ARHGAP39: variants seen among roughly 807,000 people sequenced by gnomAD.
ARHGAP39 encodes rho GTPase-activating protein 39.
A neutral mutation model predicts 106.9 loss-of-function variants in ARHGAP39; 44 were observed. The ratio of observed to expected loss-of-function variants is 0.41; its 90% CI spans 0.32 to 0.53. The LOEUF (loss-of-function observed/expected upper bound fraction) is 0.53, where lower values mean the gene tolerates loss of function less well. ARHGAP39 is among the 20% of genes least tolerant of loss of function. The probability of loss-of-function intolerance (pLI) is 0.21; values close to 1 mark genes in which losing one functional copy is unlikely to be tolerated. For missense variants in ARHGAP39, 1,496 were observed against 1,577.3 expected, an observed-to-expected ratio of 0.95 and a Z score of 0.87; for synonymous variants, 768 against 693.2, an observed-to-expected ratio of 1.11 and a Z score of -1.69.
chr8:144,548,548 C>T lies in ARHGAP39; in HGVS notation c.597-59G>A. The T allele has an allele frequency of 6.4e-6, 10 of 1,561,536 alleles. No homozygotes were observed. The highest frequency in any genetic ancestry group is 7.8e-6 in the Non-Finnish European group (9 of 1,157,710). On this transcript the variant is annotated intron_variant, in intron 4 of 11. Coordinates refer to ENST00000377307, the MANE Select transcript of ARHGAP39 (RefSeq NM_025251.3). The surrounding 1 kb of genome is among the most constrained non-coding windows in gnomAD (Gnocchi z 7.4). The stretch of plus-strand genomic sequence containing the variant: ...CTGCCTGCTGCTTCTGGGCACGCCC[C>T]ACCCCCTCGGGGGCTGTAGGCAGCG...
chr8:144,573,152 A>T (rs1818643978), intron 3 of ARHGAP39, among the ~76,000 whole-genome samples: 2 of 152,238 alleles, frequency 1.3e-5, no homozygotes, highest in Non-Finnish European at 2.9e-5. Context: ...ACACATGCAC[A>T]TGTGTGTTTA....
At chr8:144,693,265 A>G in the ARHGAP39 span, among the ~76,000 whole-genome samples, 1 of 144,632 alleles carries the variant, frequency 6.9e-6, no homozygotes, top group Non-Finnish European at 1.5e-5. Context: ...AGGTTTCGCC[A>G]TGTTGGCCAG....
chr8:144,535,290 C>CT (rs1201079684), intron 7 of ARHGAP39, among the ~76,000 whole-genome samples: 7 of 152,180 alleles, frequency 4.6e-5, no homozygotes, highest in African/African-American at 1.7e-4. Context: ...CATGTGACTG[C>CT]TAAGGAGACT....
chr8:144,608,132 G>A (rs546135897), intron 1 of ARHGAP39, among the ~76,000 whole-genome samples: 21 of 144,426 alleles, frequency 1.5e-4, no homozygotes, highest in East Asian at 1.2e-3. Context: ...ACTCCAGCCT[G>A]GGCGACAGAG....
intron 1 of ARHGAP39, among the ~76,000 whole-genome samples, chr8:144,672,936 G>C (rs995552821): frequency 2.6e-5 from 4 of 152,154 alleles, no homozygotes; most frequent in African/African-American, 9.7e-5. Context: ...CTGATCAGGG[G>C]CCAGGCACAG....
At chr8:144,588,968 G>A (rs1211198019) in intron 2 of ARHGAP39, among the ~76,000 whole-genome samples, 1 of 152,244 alleles carries the variant, frequency 6.6e-6, no homozygotes, top group African/African-American at 2.4e-5. Context: ...TAAGTCCACA[G>A]GAGCCCAGGG....
chr8:144,686,228 ATTC>A (rs1456634124), upstream of ARHGAP39, among the ~76,000 whole-genome samples: 1 of 152,066 alleles, frequency 6.6e-6, no homozygotes, highest in Non-Finnish European at 1.5e-5. Context: ...AAATACAGCC[ATTC>A]TTCTCAAAAC....
intron 7 of ARHGAP39, among the ~76,000 whole-genome samples, chr8:144,536,578 G>A (rs1012407351): frequency 1.3e-5 from 2 of 152,240 alleles, no homozygotes; most frequent in South Asian, 2.1e-4. Flanking sequence ...GTCTGAGGAC[G>A]TCTGTGGCCA....
rs530421072 is a variant in ARHGAP39 at position 144,580,670 on chromosome 8, C to T, written c.512+176G>A. 3.9e-4 allele frequency among the ~76,000 whole-genome samples: 59 copies of T among 151,720 alleles called. No individual in the cohort carries two copies. In the East Asian group the frequency reaches 0.01, roughly 27 times the overall value. ...AGTCCCGCTCTCACGTGGCCCCGCCCATTCCACTCACCTGGCCCCGCCCAC... is the reference window on the plus strand; with the variant it reads ...AGTCCCGCTCTCACGTGGCCCCGCCTATTCCACTCACCTGGCCCCGCCCAC... On this transcript the variant is annotated intron_variant, in intron 3 of 11. Transcript: ENST00000377307.
intron 2 of ARHGAP39, among the ~76,000 whole-genome samples, chr8:144,590,150 G>T (rs891313106): frequency 6.6e-6 from 1 of 152,246 alleles, no homozygotes; most frequent in South Asian, 2.1e-4. Context: ...GACAGGGCCT[G>T]ACAGAAGATG....
chr8:144,630,783 G>A (rs906866036), intron 1 of ARHGAP39, among the ~76,000 whole-genome samples: 23 of 152,370 alleles, frequency 1.5e-4, no homozygotes, highest in East Asian at 5.8e-4. Flanking sequence ...CTCCTCAGAC[G>A]CCAACCGGCC....
rs113457747 is a variant in ARHGAP39, at chr8:144,531,081, T to A, written c.2981-210A>T. ...GCCTGAACTCGATCCTGGAGGCATG[T>A]GGGTCACGCCAGCAGAGTTGTGCAA... On this transcript the variant is annotated intron_variant, in intron 10 of 11. Coordinates refer to ENST00000377307, the MANE Select transcript of ARHGAP39 (RefSeq NM_025251.3). 0.07 allele frequency among the ~76,000 whole-genome samples: 10,607 copies of A among 151,284 alleles called. 1,222 individuals are homozygous for A. Among genetic ancestry groups the A allele is most frequent in the African/African-American group, 0.24 (9,630 of 40,570 alleles).
intron 1 of ARHGAP39, among the ~76,000 whole-genome samples, chr8:144,652,781 A>C (rs1243681596): frequency 6.6e-6 from 1 of 151,298 alleles, no homozygotes; most frequent in Non-Finnish European, 1.5e-5. Flanking sequence ...GGGAGGAGGG[A>C]GGGAGAGGAG....
chr8:144,698,544 C>A, the ARHGAP39 span: 1 of 212,244 alleles, frequency 4.7e-6, no homozygotes, highest in Non-Finnish European at 9.7e-6. Flanking sequence ...GAGAGCTCAG[C>A]TGTGATCTGG....
chr8:144,532,451 A>C, intron 9 of ARHGAP39, 55 bp from the exon 10 acceptor site: 1 of 1,514,088 alleles, frequency 6.6e-7, no homozygotes, highest in South Asian at 1.2e-5. Flanking sequence ...CGGCTTCATG[A>C]TTCCGCCTGG....
intron 1 of ARHGAP39, among the ~76,000 whole-genome samples, chr8:144,615,045 G>C (rs1319591358): frequency 1.3e-5 from 2 of 152,242 alleles, no homozygotes; most frequent in African/African-American, 2.4e-5. Context: ...TGGATCATGG[G>C]GGCAGAGGCT....
chr8:144,606,948 T>C (rs1351071449), intron 1 of ARHGAP39, among the ~76,000 whole-genome samples: 1 of 150,410 alleles, frequency 6.6e-6, no homozygotes, highest in Non-Finnish European at 1.5e-5. Context: ...AATTAACAAA[T>C]TGGACTATAG....
At chr8:144,617,585 CAAAAAAA>C (rs869298361) in intron 1 of ARHGAP39, among the ~76,000 whole-genome samples, 1 of 68,598 alleles carries the variant, frequency 1.5e-5, no homozygotes, top group African/African-American at 5.4e-5. Flanking sequence ...ACTGAAAAGA[CAAAAAAA>C]AAAAAAAAAG....
intron 4 of ARHGAP39, among the ~76,000 whole-genome samples, chr8:144,551,488 A>G (rs572570299): frequency 4.6e-5 from 7 of 152,226 alleles, no homozygotes; most frequent in African/African-American, 1.7e-4. Flanking sequence ...CGAGTCACAG[A>G]TGGGGAAGCC....
Sources: gnomAD v4.1 joint callset for allele counts (sites outside exome capture counted in the v4.1 genomes callset) on GRCh38, gnomAD v4.1.1 for gene constraint, Gnocchi (gnomAD v3.1) non-coding constraint, MANE v1.5 for transcripts, NCBI Gene and HGNC (gene_info 2026-07-23, HGNC 2026-07-21) for gene names.